ITSN1: variants seen among roughly 807,000 people sequenced by gnomAD.
The protein encoded by ITSN1 is intersectin-1.
In ITSN1, 58 loss-of-function variants were observed where a neutral mutation model predicts 239.8. The observed-to-expected ratio is 0.24, with a 90% confidence interval of 0.20 to 0.30. The LOEUF (loss-of-function observed/expected upper bound fraction) is 0.30, where lower values mean the gene tolerates loss of function less well. Ranked by LOEUF, ITSN1 falls within the 10% of genes least tolerant of loss-of-function variation. The pLI, the probability that ITSN1 is intolerant of heterozygous loss-of-function variation, is 1.00. For synonymous variants in ITSN1, 780 were observed against 770.8 expected, an observed-to-expected ratio of 1.01 and a Z score of -0.20; for missense variants, 1,558 against 2,103.3, an observed-to-expected ratio of 0.74 and a Z score of 5.07.
intron 30 of ITSN1, 128 bp downstream of exon 30, chr21:33,856,985 G>C: frequency 1.2e-6 from 1 of 864,926 alleles, no homozygotes; most frequent in South Asian, 1.6e-5. Context: ...AGGAGCATCT[G>C]GATGGCAAAT....
At chr21:33,653,488 C>G (rs2088742152) in intron 1 of ITSN1, among the ~76,000 whole-genome samples, 2 of 152,008 alleles carry the variant, frequency 1.3e-5, no homozygotes, top group Admixed American at 6.6e-5. Flanking sequence ...ATTTTCATTC[C>G]TAGAATTTAT....
At chr21:33,666,373 A>G (rs1053259883) in intron 1 of ITSN1, among the ~76,000 whole-genome samples, 3 of 152,240 alleles carry the variant, frequency 2.0e-5, no homozygotes, top group African/African-American at 7.2e-5. Context: ...TGGTTGCACA[A>G]CTTCATGATT....
chr21:33,668,192 G>C (rs1455151277), intron 1 of ITSN1, among the ~76,000 whole-genome samples: 2 of 152,174 alleles, frequency 1.3e-5, no homozygotes, highest in African/African-American at 4.8e-5. Context: ...TTCTCTGAGG[G>C]TTTTTACTAC....
chr21:33,858,844 C>A, intron 31 of ITSN1, 52 bp downstream of exon 31: 1 of 1,005,716 alleles, frequency 9.9e-7, no homozygotes, highest in Non-Finnish European at 1.6e-6. Context: ...GGCTCTCATG[C>A]ACTCGCACCT....
rs767394740 is a variant in ITSN1 at position 33,782,019 on chromosome 21, A to G, written c.1710A>G (p.Arg570=). The stretch of plus-strand genomic sequence containing the variant: ...GAGATTCACTTGTTACACTTAAAAG[A>G]GCCTTAGAAGCAAAAGAACTAGCTC... The part of the protein sequence containing the change: ...LHRDSLVTLK[R]ALEAKELARQ... Residue 570 remains arginine, a synonymous_variant, in exon 16 of 40, where the codon AGA becomes AGG. Coordinates refer to ENST00000381318, the MANE Select transcript of ITSN1 (RefSeq NM_003024.3). 4.4e-6 allele frequency: 7 copies of G among 1,609,100 alleles called. No individual in the cohort carries two copies.
Position 33,826,834 on chromosome 21 carries a change from G to A in ITSN1, c.3200G>A (p.Gly1067Glu), listed in dbSNP as rs749194076. The A allele has an allele frequency of 6.2e-7, 1 of 1,613,930 alleles. No homozygotes were observed. The highest frequency in any genetic ancestry group is 8.5e-7 in the Non-Finnish European group (1 of 1,179,872). ...LKDSEGSGTA[G>E]KTGSLGKKPE... ...TGTTTTAAGGGCTCTGGAACTGCTG[G>A]GAAAACAGGGAGTTTAGGAAAAAAA... is the stretch of plus-strand genomic sequence containing the variant. The change falls in exon 26 of 40, where the codon GGG (glycine) becomes GAG (glutamate). Residue 1067 changes from glycine to glutamate, a missense_variant. Transcript: ENST00000381318.
Position 33,760,440 on chromosome 21 carries a change from G to A in ITSN1, c.725-1483G>A, listed in dbSNP as rs148111391. 7.2e-3 allele frequency among the ~76,000 whole-genome samples: 1,098 copies of A among 152,184 alleles called. 13 individuals are homozygous for A. Among genetic ancestry groups the A allele is most frequent in the African/African-American group, 0.025 (1,044 of 41,514 alleles). ...CACATGTATATATCCACATGTATCC[G>A]TATGTGTGCTTTTCTGTCAGGATTT... is the stretch of plus-strand genomic sequence containing the variant. On this transcript the variant is annotated intron_variant, in intron 8 of 39. Coordinates refer to ENST00000381318, the MANE Select transcript of ITSN1 (RefSeq NM_003024.3).
intron 1 of ITSN1, among the ~76,000 whole-genome samples, chr21:33,644,163 A>G (rs1040104354): frequency 5.3e-5 from 8 of 152,234 alleles, no homozygotes; most frequent in African/African-American, 1.7e-4. Context: ...ATCTCTGAGA[A>G]CAAAATATGT....
intron 17 of ITSN1, among the ~76,000 whole-genome samples, chr21:33,796,725 A>T (rs1448492674): frequency 6.6e-6 from 1 of 152,202 alleles, no homozygotes; most frequent in Non-Finnish European, 1.5e-5. Context: ...GAGTTAATAT[A>T]TGGGGAGCTA....
At position 33,778,194 on chromosome 21, in the gene ITSN1, A is replaced by G. The variant is rs535804170; in HGVS notation, c.1596+3086A>G. ...CATTCCATTTCCCATTATTTTATTA[A>G]GGATCTTTTTAAATCTGTTGAATTC... On this transcript the variant is annotated intron_variant, in intron 14 of 39. Coordinates refer to ENST00000381318, the MANE Select transcript of ITSN1 (RefSeq NM_003024.3). Among the ~76,000 whole-genome samples, 4 of 152,270 alleles carry G rather than the reference A, an allele frequency of 2.6e-5. No individual in the cohort carries two copies. The East Asian group carries it at 7.7e-4, about 29-fold the overall frequency.
In ITSN1 at chr21:33,896,650, T is replaced by C. The variant is rs1011362606; in HGVS notation, c.*8350T>C. 1 of 152,250 alleles carries C rather than the reference T, an allele frequency of 6.6e-6. No individual in the cohort carries two copies. The highest frequency in any genetic ancestry group is 2.4e-5 in the African/African-American group (1 of 41,450). 9.4% of individuals were successfully genotyped at this position (152,250 alleles called of 1,614,324 possible). A position where few individuals can be genotyped will look rare whatever the true frequency, so the allele number is the denominator to read the frequency against. On this transcript the variant is annotated 3_prime_UTR_variant, in exon 40 of 40. Coordinates refer to ENST00000381318, the MANE Select transcript of ITSN1 (RefSeq NM_003024.3). ...GATGGTAGGAGAGAAAAGATCCCTC[T>C]GTGTAAGTAGCCTCAAGTTCTAGAA...
intron 8 of ITSN1, 74 bp from the exon 9 acceptor site, chr21:33,761,848 CG>C: frequency 9.4e-7 from 1 of 1,066,884 alleles, no homozygotes; most frequent in Non-Finnish European, 1.5e-6. Flanking sequence ...AGTCCACATA[CG>C]CAGAACCCTG....
In ITSN1 at chr21:33,698,797, TAAGA is replaced by T. The variant is rs549922412; in HGVS notation, c.-32-19999_-32-19996del. Among the ~76,000 whole-genome samples the T allele has an allele frequency of 5.9e-5, 9 of 152,354 alleles. No individual in the cohort carries two copies. In the South Asian group the frequency reaches 1.9e-3, roughly 32 times the overall value. ...CTTCTTTTTCATTCATTTCCTGCTC[TAAGA>T]GTCATCTCAAGATAGGAATCTGGTA... On this transcript the variant is annotated intron_variant, in intron 1 of 39. Transcript: ENST00000381318.
chr21:33,811,355 T>A (rs2072904606), intron 21 of ITSN1, 133 bp downstream of exon 21: 1 of 776,450 alleles, frequency 1.3e-6, no homozygotes, highest in Admixed American at 2.9e-5. Context: ...TCAGTACTCC[T>A]TTCTCTAGCT....
rs148498021 is a variant in ITSN1 at position 33,675,436 on chromosome 21, G to A, written c.-33+32723G>A. ...CAAAAAATTAGCCAGGTGCAGTGGC[G>A]GGTGCTTGTAGTCCCAGCTACTTGG... On this transcript the variant is annotated intron_variant, in intron 1 of 39. Transcript: ENST00000381318. 7.5e-3 allele frequency among the ~76,000 whole-genome samples: 1,143 copies of A among 152,114 alleles called. 11 individuals carry two copies. The highest frequency in any genetic ancestry group is 0.026 in the African/African-American group (1,071 of 41,488).
chr21:33,835,701 C>T (rs184580494), intron 28 of ITSN1, among the ~76,000 whole-genome samples: 69 of 152,242 alleles, frequency 4.5e-4, no homozygotes, highest in African/African-American at 1.4e-3. Flanking sequence ...GAGGCCGAGG[C>T]GGGCGGATCT....
intron 27 of ITSN1, among the ~76,000 whole-genome samples, chr21:33,832,834 G>C (rs1424268957): frequency 1.3e-5 from 2 of 152,162 alleles, no homozygotes; most frequent in East Asian, 3.8e-4. Context: ...AGGTGGGAGG[G>C]CAGAGGTAAT....
chr21:33,815,155 G>A (rs943605504), intron 22 of ITSN1, among the ~76,000 whole-genome samples: 7 of 152,144 alleles, frequency 4.6e-5, no homozygotes, highest in African/African-American at 7.2e-5. Context: ...ACGAGACTGG[G>A]ATTATAGATT....
chr21:33,752,155 T>TA (rs1013079339), intron 7 of ITSN1, among the ~76,000 whole-genome samples: 1 of 151,790 alleles, frequency 6.6e-6, no homozygotes, highest in Non-Finnish European at 1.5e-5. Flanking sequence ...TTTTTTTTTT[T>TA]AAAGAGGATA....
Sources: allele counts gnomAD v4.1 joint callset (sites outside exome capture counted in the v4.1 genomes callset), GRCh38; gene constraint gnomAD v4.1.1; transcripts MANE v1.5; gene names NCBI Gene and HGNC (gene_info 2026-07-23, HGNC 2026-07-21).